The following KIF26B variants were observed in gnomAD, a reference collection of about 807,000 sequenced individuals.
The protein encoded by KIF26B is kinesin family member 26B.
A neutral mutation model predicts 151.2 loss-of-function variants in KIF26B; 63 were observed. That is an observed-to-expected ratio of 0.42 (90% CI 0.34 to 0.51). The LOEUF (loss-of-function observed/expected upper bound fraction) is 0.51. Ranked by LOEUF, KIF26B falls within the 20% of genes least tolerant of loss-of-function variation. The probability of loss-of-function intolerance (pLI) is 0.07; values close to 1 mark genes in which losing one functional copy is unlikely to be tolerated. For synonymous variants in KIF26B, 1,357 were observed against 1,262.1 expected, an observed-to-expected ratio of 1.08 and a Z score of -1.59; for missense variants, 2,813 against 2,913.6, an observed-to-expected ratio of 0.97 and a Z score of 0.79.
intron 2 of KIF26B, among the ~76,000 whole-genome samples, chr1:245,360,556 A>G (rs2103005819): frequency 6.6e-6 from 1 of 152,360 alleles, no homozygotes; most frequent in Admixed American, 6.5e-5. Flanking sequence ...TCCCATTTTT[A>G]CATTAAGGAG....
At chr1:245,612,566 G>A (rs1358765991) in intron 9 of KIF26B, among the ~76,000 whole-genome samples, 3 of 152,094 alleles carry the variant, frequency 2.0e-5, no homozygotes, top group Non-Finnish European at 4.4e-5. Flanking sequence ...GAATGTGAGA[G>A]GTCAAAGTTA....
At chr1:245,666,182 A>G (rs1393475828) in intron 10 of KIF26B, among the ~76,000 whole-genome samples, 1 of 149,850 alleles carries the variant, frequency 6.7e-6, no homozygotes, top group African/African-American at 2.5e-5. Flanking sequence ...TTTTGTTTTT[A>G]GTATAGATGG....
At chr1:245,506,864 G>A (rs1447085174) in intron 4 of KIF26B, among the ~76,000 whole-genome samples, 1 of 152,178 alleles carries the variant, frequency 6.6e-6, no homozygotes, top group East Asian at 1.9e-4. Context: ...GTATTTATTA[G>A]AGATTGGCTT....
chr1:245,405,744 A>G (rs529199943), intron 3 of KIF26B, among the ~76,000 whole-genome samples: 60 of 152,184 alleles, frequency 3.9e-4, no homozygotes, highest in African/African-American at 1.1e-3. Flanking sequence ...ATGTTTCCAC[A>G]TGGAACTTGG....
intron 4 of KIF26B, among the ~76,000 whole-genome samples, chr1:245,446,885 G>C (rs753070466): frequency 6.6e-6 from 1 of 152,178 alleles, no homozygotes; most frequent in African/African-American, 2.4e-5. Context: ...CAGCATTGCT[G>C]TGGGTCCTGA....
In KIF26B at chr1:245,218,291, C is replaced by CA. The variant is rs1396005915; in HGVS notation, c.465+61609dup. On this transcript the variant is annotated intron_variant, in intron 2 of 14. Transcript: ENST00000407071. This position sits in a 1 kb window ranked among gnomAD's most constrained non-coding sequence, Gnocchi z 4.1. ...TAGGGTCCCCTCAGCAGATGGATCC[C>CA]ATCTCCTGGTCTGGTTAGCATAAGA... is the stretch of plus-strand genomic sequence containing the variant. Among the ~76,000 whole-genome samples the CA allele has an allele frequency of 6.6e-6, 1 of 152,152 alleles. No homozygotes were observed. The highest frequency in any genetic ancestry group is 2.4e-5 in the African/African-American group (1 of 41,438).
intron 2 of KIF26B, among the ~76,000 whole-genome samples, chr1:245,342,813 G>A (rs546454768): frequency 2.6e-5 from 4 of 152,248 alleles, no homozygotes; most frequent in East Asian, 1.9e-4. Context: ...TGTGCCAGGC[G>A]CCGTGGCTCA....
At chr1:245,361,863 G>A (rs1672826401) in intron 2 of KIF26B, among the ~76,000 whole-genome samples, 1 of 152,006 alleles carries the variant, frequency 6.6e-6, no homozygotes, top group Non-Finnish European at 1.5e-5. Context: ...AGCCGCTTGG[G>A]GACTTTAGTC....
At chr1:245,670,244 C>T (rs896060344) in intron 10 of KIF26B, among the ~76,000 whole-genome samples, 1 of 57,000 alleles carries the variant, frequency 1.8e-5, no homozygotes, top group Non-Finnish European at 3.4e-5. Context: ...GTGTGTATAT[C>T]CATATATATA....
intron 9 of KIF26B, among the ~76,000 whole-genome samples, chr1:245,644,993 A>G (rs1178720249): frequency 2.0e-5 from 3 of 152,158 alleles, no homozygotes; most frequent in Admixed American, 6.5e-5. Flanking sequence ...GGCGTGTCAC[A>G]TGGCAAGAGA....
intron 2 of KIF26B, among the ~76,000 whole-genome samples, chr1:245,287,139 T>A (rs1573754179): frequency 6.6e-6 from 1 of 152,158 alleles, no homozygotes; most frequent in African/African-American, 2.4e-5. Flanking sequence ...AAAAATTTTC[T>A]TACAACTTTT....
At position 245,445,079 on chromosome 1, in the gene KIF26B, C is replaced by T. The variant is rs111719517; in HGVS notation, c.1166+25334C>T. On this transcript the variant is annotated intron_variant, in intron 4 of 14. Coordinates refer to ENST00000407071, the MANE Select transcript of KIF26B (RefSeq NM_018012.4). ...CGCAGAATCTGTCCTTTGCTCACTTCGTATCTGTCATCAATCAACACTGCA... is the reference window on the plus strand; with the variant it reads ...CGCAGAATCTGTCCTTTGCTCACTTTGTATCTGTCATCAATCAACACTGCA... Among the ~76,000 whole-genome samples the T allele has an allele frequency of 2.9e-3, 435 of 152,264 alleles. 2 individuals carry two copies. The highest frequency in any genetic ancestry group is 9.7e-3 in the African/African-American group (404 of 41,548).
intron 4 of KIF26B, among the ~76,000 whole-genome samples, chr1:245,476,078 A>G (rs1660032138): frequency 6.6e-6 from 1 of 151,932 alleles, no homozygotes; most frequent in Admixed American, 6.6e-5. Flanking sequence ...TCGCCACAAA[A>G]AGGAATAAAG....
chr1:245,610,169 C>T (rs545758836), intron 8 of KIF26B, among the ~76,000 whole-genome samples: 1 of 152,118 alleles, frequency 6.6e-6, no homozygotes, highest in African/African-American at 2.4e-5. Context: ...CTTTATTTTC[C>T]CGTGTTGTCA....
chr1:245,643,679 C>A (rs2043916581), intron 9 of KIF26B, among the ~76,000 whole-genome samples: 1 of 152,106 alleles, frequency 6.6e-6, no homozygotes, highest in Non-Finnish European at 1.5e-5. Flanking sequence ...TGTCTATATT[C>A]CTTGTGTTTT....
chr1:245,351,093 C>T (rs1572017426), intron 2 of KIF26B, among the ~76,000 whole-genome samples: 1 of 152,214 alleles, frequency 6.6e-6, no homozygotes, highest in Non-Finnish European at 1.5e-5. Context: ...CACTGAGCCA[C>T]TTCTGGCTTT....
chr1:245,253,800 CTTTTTTTT>C (rs5782330), intron 2 of KIF26B, among the ~76,000 whole-genome samples: 10 of 72,172 alleles, frequency 1.4e-4, no homozygotes, highest in African/African-American at 4.9e-4. Flanking sequence ...TGAAGTCCTG[CTTTTTTTT>C]TTTTTTTTTT....
chr1:245,442,705 G>T (rs1334859095), intron 4 of KIF26B, among the ~76,000 whole-genome samples: 1 of 151,498 alleles, frequency 6.6e-6, no homozygotes, highest in Non-Finnish European at 1.5e-5. Context: ...ACCTAGAGCT[G>T]TCATCTCCCT....
At chr1:245,364,830 A>G (rs916129791) in intron 2 of KIF26B, among the ~76,000 whole-genome samples, 2 of 152,202 alleles carry the variant, frequency 1.3e-5, no homozygotes, top group African/African-American at 4.8e-5. Context: ...GAAGCCAAAC[A>G]GTTTGGTGCC....
Sources: allele counts gnomAD v4.1 joint callset (sites outside exome capture counted in the v4.1 genomes callset), GRCh38; gene constraint gnomAD v4.1.1; non-coding constraint Gnocchi (gnomAD v3.1); transcripts MANE v1.5; gene names NCBI Gene and HGNC (gene_info 2026-07-23, HGNC 2026-07-21).